Variants in KLHL8 observed in about 807,000 individuals in gnomAD.
The protein encoded by KLHL8 is kelch like family member 8.
Under a neutral mutation model 63.5 loss-of-function variants are expected in KLHL8, and 38 were observed. The ratio of observed to expected loss-of-function variants is 0.60; its 90% CI spans 0.46 to 0.78. The LOEUF (loss-of-function observed/expected upper bound fraction) is 0.78. KLHL8 is among the 30% of genes least tolerant of loss of function. The pLI is 0.00. For missense variants in KLHL8, 566 were observed against 752.4 expected (o/e 0.75, Z 2.90); for synonymous variants, 224 against 254.3 (o/e 0.88, Z 1.13).
chr4:87,167,965 C>T (rs773007849), intron 8 of KLHL8, among the ~76,000 whole-genome samples: 1 of 152,180 alleles, frequency 6.6e-6, no homozygotes, highest in East Asian at 1.9e-4. Flanking sequence ...TACAACATGG[C>T]TTCAGCCTAA....
Position 87,163,946 on chromosome 4 carries a change from A to T in KLHL8, c.1671T>A (p.Phe557Leu). The T allele has an allele frequency of 6.2e-7, 1 of 1,614,192 alleles. No individual in the cohort carries two copies. Among genetic ancestry groups the T allele is most frequent in the Non-Finnish European group, 8.5e-7 (1 of 1,180,030 alleles). ...VGIATVMGKI[F>L]AVGGHNGNAY... ...CATTGCCATTATGACCACCAACTGC[A>T]AAGATTTTGCCCATCACTGTTGCGA... Residue 557 changes from phenylalanine (F) to leucine (L), a missense_variant, in exon 9 of 10, where the codon TTT (phenylalanine) becomes TTA (leucine). Coordinates refer to ENST00000273963, the MANE Select transcript of KLHL8 (RefSeq NM_020803.5).
chr4:87,175,458 A>G (rs1211065481), intron 6 of KLHL8, among the ~76,000 whole-genome samples: 1 of 152,108 alleles, frequency 6.6e-6, no homozygotes, highest in East Asian at 1.9e-4. Flanking sequence ...CCACCATGTT[A>G]TGTTGTACTC....
intron 2 of KLHL8, among the ~76,000 whole-genome samples, chr4:87,187,049 A>C (rs544445065): frequency 1.3e-5 from 2 of 152,248 alleles, no homozygotes; most frequent in African/African-American, 4.8e-5. Context: ...ATGCTATTAC[A>C]AATAGCACAC....
chr4:87,186,547 A>G (rs954862891), intron 2 of KLHL8, among the ~76,000 whole-genome samples: 2 of 150,214 alleles, frequency 1.3e-5, no homozygotes, highest in Admixed American at 1.3e-4. Context: ...TGACGTGATC[A>G]TGGCTCATTG....
chr4:87,172,041 T>C (rs1295705021), intron 6 of KLHL8, among the ~76,000 whole-genome samples: 1 of 152,184 alleles, frequency 6.6e-6, no homozygotes, highest in Non-Finnish European at 1.5e-5. Context: ...CTTCATCCCC[T>C]GGTGTTACTC....
chr4:87,234,824 G>T (rs1338520518), intron 1 of KLHL8, among the ~76,000 whole-genome samples: 1 of 152,162 alleles, frequency 6.6e-6, no homozygotes, highest in African/African-American at 2.4e-5. Flanking sequence ...GACTTTCCCA[G>T]TGGGGCAAGA....
chr4:87,165,113 G>A (rs1269655584), intron 8 of KLHL8, among the ~76,000 whole-genome samples: 5 of 128,794 alleles, frequency 3.9e-5, no homozygotes, highest in South Asian at 2.4e-4. Context: ...TTGTGCCACT[G>A]CACTCCAGCC....
chr4:87,203,365 G>A (rs1036769383), intron 1 of KLHL8, among the ~76,000 whole-genome samples: 1 of 151,802 alleles, frequency 6.6e-6, no homozygotes, highest in African/African-American at 2.4e-5. Flanking sequence ...ATGAAACCCC[G>A]TCTCTACTAA....
intron 1 of KLHL8, among the ~76,000 whole-genome samples, chr4:87,202,047 T>C (rs1239986378): frequency 6.6e-6 from 1 of 151,026 alleles, no homozygotes; most frequent in Non-Finnish European, 1.5e-5. Context: ...GAGGCGGAGC[T>C]TGCAGTGAGC....
intron 8 of KLHL8, chr4:87,166,728 C>G (rs1730414424): frequency 6.6e-6 from 1 of 152,292 alleles, no homozygotes; most frequent in Non-Finnish European, 1.5e-5. Context: ...TCTGAGAAAT[C>G]ACTGATCTAA....
intron 1 of KLHL8, among the ~76,000 whole-genome samples, chr4:87,229,324 G>C (rs1292242888): frequency 2.6e-5 from 4 of 152,072 alleles, no homozygotes; most frequent in Non-Finnish European, 5.9e-5. Context: ...GATCACCTCT[G>C]CAGCATGGAC....
chr4:87,189,749 G>C (rs184809863), intron 2 of KLHL8, among the ~76,000 whole-genome samples: 1 of 151,892 alleles, frequency 6.6e-6, no homozygotes, highest in African/African-American at 2.4e-5. Context: ...AGTAAAGGCC[G>C]GGCGCAGCTC....
At chr4:87,217,077 C>T (rs551809308) in intron 1 of KLHL8, among the ~76,000 whole-genome samples, 5 of 152,208 alleles carry the variant, frequency 3.3e-5, no homozygotes, top group Admixed American at 2.6e-4. Flanking sequence ...TAGTCTGGTG[C>T]TTCCATAAAA....
upstream of KLHL8, among the ~76,000 whole-genome samples, chr4:87,221,932 G>A (rs73839119): frequency 0.13 from 19,060 of 152,020 alleles, 2,307 homozygotes; most frequent in African/African-American, 0.31. Flanking sequence ...TGTCTGGAAC[G>A]TGATGTAAAA....
At chr4:87,233,607 G>C (rs1733174127) in intron 1 of KLHL8, among the ~76,000 whole-genome samples, 1 of 152,038 alleles carries the variant, frequency 6.6e-6, no homozygotes, top group Non-Finnish European at 1.5e-5. Flanking sequence ...AAACTGATCA[G>C]ACTTCACCTA....
intron 1 of KLHL8, among the ~76,000 whole-genome samples, chr4:87,196,783 G>A (rs1479939994): frequency 1.3e-5 from 2 of 152,140 alleles, no homozygotes; most frequent in African/African-American, 2.4e-5. Flanking sequence ...CTTACTGGCT[G>A]TGTAATTTTT....
intron 1 of KLHL8, among the ~76,000 whole-genome samples, chr4:87,211,582 A>G (rs997693357): frequency 8.5e-5 from 13 of 152,328 alleles, no homozygotes; most frequent in Middle Eastern, 3.4e-3. Flanking sequence ...ACTTGAGCCC[A>G]GGAGTTTGAG....
intron 4 of KLHL8, among the ~76,000 whole-genome samples, chr4:87,182,480 T>C (rs771221687): frequency 6.6e-6 from 1 of 152,104 alleles, no homozygotes; most frequent in Non-Finnish European, 1.5e-5. Flanking sequence ...GCACCATATA[T>C]AGAGGAAGTC....
chr4:87,202,249 A>G (rs937635146), intron 1 of KLHL8, among the ~76,000 whole-genome samples: 9 of 152,208 alleles, frequency 5.9e-5, no homozygotes, highest in Non-Finnish European at 1.2e-4. Flanking sequence ...ATAAAAAACA[A>G]TAGATAAAAA....
Sources: allele counts gnomAD v4.1 joint callset (sites outside exome capture counted in the v4.1 genomes callset), GRCh38; gene constraint gnomAD v4.1.1; transcripts MANE v1.5; gene names NCBI Gene and HGNC (gene_info 2026-07-23, HGNC 2026-07-21).